Variants in SYNJ2 observed in about 807,000 individuals in gnomAD.
SYNJ2 encodes the protein synaptojanin 2.
Under a neutral mutation model 141.3 loss-of-function variants are expected in SYNJ2, and 116 were observed. The observed-to-expected ratio is 0.82, with a 90% CI of 0.71 to 0.96. SYNJ2 has a LOEUF of 0.96. Ranked by LOEUF, SYNJ2 falls within the 40% of genes least tolerant of loss-of-function variation. The pLI, the probability that SYNJ2 is intolerant of heterozygous loss-of-function variation, is 0.00. For synonymous variants in SYNJ2, 745 were observed against 777.7 expected, an observed-to-expected ratio of 0.96 and a Z score of 0.70; for missense variants, 1,873 against 1,934.8, an observed-to-expected ratio of 0.97 and a Z score of 0.60.
chr6:158,018,092 G>C (rs1370693309), intron 2 of SYNJ2, among the ~76,000 whole-genome samples: 1 of 152,216 alleles, frequency 6.6e-6, no homozygotes, highest in Non-Finnish European at 1.5e-5. Flanking sequence ...GTGTGGGGTG[G>C]GAGGGAGAGG....
At chr6:158,055,873 T>C (rs1316813687) in intron 6 of SYNJ2, among the ~76,000 whole-genome samples, 1 of 152,184 alleles carries the variant, frequency 6.6e-6, no homozygotes, top group Non-Finnish European at 1.5e-5. Context: ...AGATATTTAA[T>C]CAAGTATAGA....
chr6:158,068,260 C>G (rs919444479), intron 12 of SYNJ2, among the ~76,000 whole-genome samples: 1 of 152,130 alleles, frequency 6.6e-6, no homozygotes, highest in Non-Finnish European at 1.5e-5. Context: ...AGGCCATGTC[C>G]TCCTAGCTGG....
chr6:158,092,069 G>C (rs1783493530), intron 25 of SYNJ2, among the ~76,000 whole-genome samples: 1 of 151,334 alleles, frequency 6.6e-6, no homozygotes, highest in South Asian at 2.1e-4. Flanking sequence ...ACTTAGAAAG[G>C]GTGAATTTCA....
At chr6:158,060,274 C>T (rs545419590) in intron 7 of SYNJ2, among the ~76,000 whole-genome samples, 84 of 152,254 alleles carry the variant, frequency 5.5e-4, no homozygotes, top group African/African-American at 1.9e-3. Context: ...GTCACAGAGC[C>T]ATGGGAGCAA....
Position 158,097,843 on chromosome 6 carries a change from T to TTAAAAA in SYNJ2, c.*1479_*1480insTAAAAA, listed in dbSNP as rs372769301. 6.8e-6 allele frequency: 1 copy of TTAAAAA among 147,862 alleles called. No individual in the cohort carries two copies. Among genetic ancestry groups the TTAAAAA allele is most frequent in the South Asian group, 2.1e-4 (1 of 4,692 alleles). 9.2% of individuals were successfully genotyped at this position (147,862 alleles called of 1,614,324 possible). Reference sequence around the variant, plus strand: ...CTGAAAACTAATACCTGGAAAAGGATAAAAAAAAAAAGGAATCCGTGACCC... The same window carrying TTAAAAA: ...CTGAAAACTAATACCTGGAAAAGGATTAAAAAAAAAAAAAAAAGGAATCCGTGACCC... On this transcript the variant is annotated 3_prime_UTR_variant, in exon 27 of 27. Transcript: ENST00000355585.
chr6:157,995,542 A>G (rs1777606058), intron 1 of SYNJ2, among the ~76,000 whole-genome samples: 1 of 152,226 alleles, frequency 6.6e-6, no homozygotes, highest in African/African-American at 2.4e-5. Context: ...CGAGAGCTAG[A>G]TCCTGAAGCA....
At chr6:158,055,088 A>G (rs1780793125) in intron 6 of SYNJ2, 60 bp downstream of exon 6, 1 of 1,576,600 alleles carries the variant, frequency 6.3e-7, no homozygotes, top group Non-Finnish European at 8.7e-7. Context: ...TCGTCCTCCC[A>G]TCAGACACAA....
At position 158,088,899 on chromosome 6, in the gene SYNJ2, A is replaced by G; in HGVS notation, c.3456+127A>G. ...TCTACCTGCTCACCATCTCATCTCC[A>G]AACCCCATAACCCTTCCTCGCAGGT... On this transcript the variant is annotated intron_variant, in intron 24 of 26. Coordinates refer to ENST00000355585, the MANE Select transcript of SYNJ2 (RefSeq NM_003898.4). The G allele has an allele frequency of 4.4e-6, 3 of 683,084 alleles. No homozygotes were observed. The East Asian group carries it at 8.1e-5, about 18-fold the overall frequency. The allele number at this position is 683,084 out of a possible 1,614,324, so 42.3% of individuals were successfully genotyped here.
At chr6:158,074,188 T>G (rs1420299345) in intron 15 of SYNJ2, among the ~76,000 whole-genome samples, 9 of 152,174 alleles carry the variant, frequency 5.9e-5, no homozygotes, top group Non-Finnish European at 1.3e-4. Context: ...TGAGCATTTC[T>G]GCTGCTCTTT....
rs145254197 is a variant in SYNJ2 at position 158,000,769 on chromosome 6, G to A, written c.128-16435G>A. ...TCTTTGAACACTTCCCTTACAGCAC[G>A]CACTCCCCCCAAGCTGGGCCTTCTC... On this transcript the variant is annotated intron_variant, in intron 1 of 26. Transcript: ENST00000355585. Among the ~76,000 whole-genome samples the A allele has an allele frequency of 7.6e-4, 116 of 152,026 alleles. 3 individuals carry two copies. In the South Asian group the frequency reaches 0.019, roughly 24 times the overall value.
At chr6:158,008,990 G>A (rs1248213784) in intron 1 of SYNJ2, among the ~76,000 whole-genome samples, 1 of 152,142 alleles carries the variant, frequency 6.6e-6, no homozygotes, top group East Asian at 1.9e-4. Flanking sequence ...GCCTCGCTGG[G>A]GCTTGCACTG....
chr6:158,043,399 G>A lies in SYNJ2; in HGVS notation c.795G>A (p.Gln265=). 6.2e-7 allele frequency: 1 copy of A among 1,613,668 alleles called. No individual in the cohort carries two copies. Among genetic ancestry groups the A allele is most frequent in the Admixed American group, 1.7e-5 (1 of 60,006 alleles). ...VPLFWEQPGL[Q]VGSHHLRLHR... ...TGTTCTGGGAACAGCCAGGGCTTCAGGTAGGTCATGAAAAAACTTAAATGT... is the reference window on the plus strand; with the variant it reads ...TGTTCTGGGAACAGCCAGGGCTTCAAGTAGGTCATGAAAAAACTTAAATGT... The change falls in exon 5 of 27, where the codon CAG becomes CAA. Residue 265 remains glutamine, a splice_region_variant and synonymous_variant. Coordinates refer to ENST00000355585, the MANE Select transcript of SYNJ2 (RefSeq NM_003898.4). This position sits in a 1 kb window ranked among gnomAD's most constrained non-coding sequence, Gnocchi z 4.0.
chr6:158,065,118 C>T (rs1437361944), intron 11 of SYNJ2, 127 bp downstream of exon 11: 20 of 1,210,548 alleles, frequency 1.7e-5, no homozygotes, highest in Admixed American at 3.0e-5. Flanking sequence ...GTGGACCATG[C>T]ACCTTGCAGC....
At chr6:158,073,170 T>C (rs1203053937) in intron 15 of SYNJ2, among the ~76,000 whole-genome samples, 1 of 152,154 alleles carries the variant, frequency 6.6e-6, no homozygotes, top group African/African-American at 2.4e-5. Flanking sequence ...CATAAAAATA[T>C]TGAGGGACCT....
Position 158,069,542 on chromosome 6 carries a change from CAAG to C in SYNJ2, c.1814_1816del (p.Lys605del). 6.2e-7 allele frequency: 1 copy of C among 1,612,796 alleles called. No homozygotes were observed. Among genetic ancestry groups the C allele is most frequent in the Non-Finnish European group, 8.5e-7 (1 of 1,179,208 alleles). On this transcript the variant is annotated inframe_deletion, in exon 14 of 27. Transcript: ENST00000355585. ...TCCTTTTCTCTTCCAGTACTACCAACAAGAAGATGTGGGGTGAACAGCTTCAGA... is the reference window on the plus strand; with the variant it reads ...TCCTTTTCTCTTCCAGTACTACCAACAAGATGTGGGGTGAACAGCTTCAGA...
intron 4 of SYNJ2, 51 bp downstream of exon 4, chr6:158,033,731 C>A: frequency 6.4e-7 from 1 of 1,550,478 alleles, no homozygotes; most frequent in South Asian, 1.2e-5. Flanking sequence ...GTGGCTGCAG[C>A]TCTTGCACAC....
chr6:158,067,845 G>A (rs1450910758), intron 12 of SYNJ2: 67 of 985,198 alleles, frequency 6.8e-5, no homozygotes, highest in Non-Finnish European at 8.0e-5. Flanking sequence ...GCCTCCAGAA[G>A]CCATTCAGGA....
chr6:157,995,337 A>G (rs1208088774), intron 1 of SYNJ2, among the ~76,000 whole-genome samples: 1 of 152,150 alleles, frequency 6.6e-6, no homozygotes, highest in Non-Finnish European at 1.5e-5. Context: ...ACCTGGAACA[A>G]AGACTTGAGG....
Position 158,049,734 on chromosome 6 carries a change from A to AGCTCTGCAGGTGGGGACACG in SYNJ2, c.796-5214_796-5195dup, listed in dbSNP as rs1196807617. Among the ~76,000 whole-genome samples, 14 of 151,658 alleles carry AGCTCTGCAGGTGGGGACACG rather than the reference A, an allele frequency of 9.2e-5. 2 individuals are homozygous for AGCTCTGCAGGTGGGGACACG. In the East Asian group the frequency reaches 2.5e-3, roughly 27 times the overall value. ...GACATGCCTCTGCTGGTATGCATGC[A>AGCTCTGCAGGTGGGGACACG]GCTCTGCAGGTGGGGACACGGCTCT... On this transcript the variant is annotated intron_variant, in intron 5 of 26. Transcript: ENST00000355585.
Sources: gnomAD v4.1 joint callset for allele counts (sites outside exome capture counted in the v4.1 genomes callset) on GRCh38, gnomAD v4.1.1 for gene constraint, Gnocchi (gnomAD v3.1) non-coding constraint, MANE v1.5 for transcripts, NCBI Gene and HGNC (gene_info 2026-07-23, HGNC 2026-07-21) for gene names.